The following RALYL variants were observed in gnomAD, a reference collection of about 807,000 sequenced individuals.
The protein encoded by RALYL is RALY RNA binding protein like, also known as RNA-binding Raly-like protein.
RALYL carries 29 observed loss-of-function variants against 35.1 expected under a neutral mutation model. The observed-to-expected ratio is 0.83, with a 90% confidence interval of 0.61 to 1.13. The LOEUF is 1.13. Among genes scored for constraint, RALYL ranks in the 50% most tolerant of loss-of-function variants. RALYL has a pLI of 0.00. For synonymous variants in RALYL, 120 were observed against 127.6 expected (o/e 0.94, Z 0.40); for missense variants, 359 against 360.4 (o/e 1.00, Z 0.03).
chr8:84,615,602 CTTA>C (rs1360162870), intron 2 of RALYL, among the ~76,000 whole-genome samples: 1 of 60,440 alleles, frequency 1.7e-5, no homozygotes, highest in Non-Finnish European at 3.2e-5. Context: ...TTTTTTTTTA[CTTA>C]TTATTATACT....
chr8:84,863,611 C>G (rs1037083360), intron 6 of RALYL, among the ~76,000 whole-genome samples: 2 of 152,134 alleles, frequency 1.3e-5, no homozygotes, highest in Non-Finnish European at 2.9e-5. Flanking sequence ...GTTCTTATGC[C>G]TATGTGCTAT....
At chr8:84,325,990 T>C (rs539546572) in intron 1 of RALYL, among the ~76,000 whole-genome samples, 1 of 152,238 alleles carries the variant, frequency 6.6e-6, no homozygotes, top group African/African-American at 2.4e-5. Flanking sequence ...CCCATGCCTG[T>C]GGTCTCAGCT....
rs372367035 is a variant in RALYL at position 84,425,783 on chromosome 8, C to CTATGTGTGTGTGTG, written c.-23-103515_-23-103514insATGTGTGTGTGTGT. 2.0e-3 allele frequency among the ~76,000 whole-genome samples: 295 copies of CTATGTGTGTGTGTG among 144,590 alleles called. 8 individuals carry two copies. Among genetic ancestry groups the CTATGTGTGTGTGTG allele is most frequent in the African/African-American group, 7.2e-3 (280 of 38,932 alleles). The allele number at this position is 144,590 out of a possible 152,430, so 94.9% of individuals were successfully genotyped here. ...AATTTTTAGAAAGCCAGTTTTTCTT[C>CTATGTGTGTGTGTG]TGTGTGTGTGTGTGTGTGTGTGTGT... On this transcript the variant is annotated intron_variant, in intron 1 of 8. Transcript: ENST00000521268.
At chr8:84,507,386 G>C (rs1380708472) in intron 1 of RALYL, among the ~76,000 whole-genome samples, 1 of 151,984 alleles carries the variant, frequency 6.6e-6, no homozygotes. Context: ...GTATAATTAT[G>C]AATTCAGTAG....
chr8:84,771,332 A>G (rs1815455519), intron 2 of RALYL, among the ~76,000 whole-genome samples: 2 of 152,026 alleles, frequency 1.3e-5, no homozygotes, highest in African/African-American at 4.8e-5. Flanking sequence ...TGTTTTTTCC[A>G]GGAATCTTTT....
At chr8:84,868,457 C>A (rs1839589857) in intron 6 of RALYL, among the ~76,000 whole-genome samples, 1 of 152,148 alleles carries the variant, frequency 6.6e-6, no homozygotes, top group African/African-American at 2.4e-5. Flanking sequence ...CCTCCTAAAG[C>A]ACTGGGATTA....
intron 1 of RALYL, among the ~76,000 whole-genome samples, chr8:84,438,929 T>A (rs1468258013): frequency 7.0e-6 from 1 of 142,236 alleles, no homozygotes; most frequent in Non-Finnish European, 1.5e-5. Context: ...CCTATTATGT[T>A]CCCTTGGTCT....
rs1011162480 is a variant in RALYL at position 84,815,619 on chromosome 8, AT to A, written c.365+10824del. Among the ~76,000 whole-genome samples, 12 of 152,002 alleles carry A rather than the reference AT, an allele frequency of 7.9e-5. No homozygotes were observed. The South Asian group carries it at 1.5e-3, about 18-fold the overall frequency. On this transcript the variant is annotated intron_variant, in intron 4 of 8. Coordinates refer to ENST00000521268, the MANE Select transcript of RALYL (RefSeq NM_173848.7). ...ATTCCAATCATCCTTGAAACATTAT[AT>A]TTTTTTAGAGCAATTAACATAATAA...
In RALYL at chr8:84,562,885, C is replaced by T. The variant is rs534417337; in HGVS notation, c.256+33308C>T. On this transcript the variant is annotated intron_variant, in intron 2 of 8. Transcript: ENST00000521268. ...ATACCATGCAGAGAGACCTTGGGCA[C>T]GAGACTCAATCACCATATGTGCATT... Among the ~76,000 whole-genome samples, 183 of 151,960 alleles carry T rather than the reference C, an allele frequency of 1.2e-3. 2 individuals carry two copies. Among genetic ancestry groups the T allele is most frequent in the Non-Finnish European group, 1.3e-3 (86 of 67,858 alleles).
chr8:84,202,492 C>T (rs1215069399), intron 1 of RALYL, among the ~76,000 whole-genome samples: 1 of 151,706 alleles, frequency 6.6e-6, no homozygotes, highest in Non-Finnish European at 1.5e-5. Flanking sequence ...CTGCCTCAGC[C>T]TCCCGAGTGG....
At chr8:84,697,066 G>T (rs1839291387) in intron 2 of RALYL, among the ~76,000 whole-genome samples, 2 of 151,964 alleles carry the variant, frequency 1.3e-5, no homozygotes, top group African/African-American at 4.8e-5. Flanking sequence ...AAGGAATTAG[G>T]AGGACAGGAT....
intron 1 of RALYL, among the ~76,000 whole-genome samples, chr8:84,402,938 T>C (rs2043065445): frequency 6.6e-6 from 1 of 152,224 alleles, no homozygotes; most frequent in African/African-American, 2.4e-5. Context: ...TTCATGTGTC[T>C]TTTGGCTGCA....
At chr8:84,488,455 G>T (rs1023000041) in intron 1 of RALYL, among the ~76,000 whole-genome samples, 1 of 152,020 alleles carries the variant, frequency 6.6e-6, no homozygotes, top group African/African-American at 2.4e-5. Context: ...GCATCCTGTT[G>T]TTGCTCCATG....
chr8:84,734,134 A>G (rs953152735), intron 2 of RALYL, among the ~76,000 whole-genome samples: 7 of 152,198 alleles, frequency 4.6e-5, no homozygotes, highest in Non-Finnish European at 8.8e-5. Flanking sequence ...TATTTGAATC[A>G]GCAAGTGGGC....
intron 1 of RALYL, among the ~76,000 whole-genome samples, chr8:84,470,376 T>A (rs1481146890): frequency 6.6e-6 from 1 of 152,102 alleles, no homozygotes; most frequent in African/African-American, 2.4e-5. Context: ...TTGTAATGTT[T>A]GTGATCATAT....
chr8:84,265,630 C>A (rs559447345), intron 1 of RALYL, among the ~76,000 whole-genome samples: 5 of 148,048 alleles, frequency 3.4e-5, no homozygotes, highest in Middle Eastern at 3.4e-3. Flanking sequence ...CCTGATGAAA[C>A]CAATGTCAGA....
chr8:84,840,608 T>C (rs888364125), intron 4 of RALYL, among the ~76,000 whole-genome samples: 13 of 152,002 alleles, frequency 8.6e-5, no homozygotes, highest in African/African-American at 3.1e-4. Flanking sequence ...ATTCAGGAAA[T>C]ACAGAGAACG....
At chr8:84,437,701 A>T (rs1189540697) in intron 1 of RALYL, among the ~76,000 whole-genome samples, 1 of 152,104 alleles carries the variant, frequency 6.6e-6, no homozygotes, top group Admixed American at 6.5e-5. Flanking sequence ...TGTTTAGATC[A>T]TGAAGATAGA....
At chr8:84,256,645 T>C (rs1218199114) in intron 1 of RALYL, among the ~76,000 whole-genome samples, 4 of 152,120 alleles carry the variant, frequency 2.6e-5, no homozygotes, top group Non-Finnish European at 5.9e-5. Context: ...ATGTTATTTA[T>C]TGACTTTGTA....
Sources: gnomAD v4.1 joint callset for allele counts (sites outside exome capture counted in the v4.1 genomes callset) on GRCh38, gnomAD v4.1.1 for gene constraint, MANE v1.5 for transcripts, NCBI Gene and HGNC (gene_info 2026-07-23, HGNC 2026-07-21) for gene names.